The following HTR7 variants were observed in gnomAD, a reference collection of about 807,000 sequenced individuals.
The protein encoded by HTR7 is 5-HT-7.
In HTR7, 16 loss-of-function variants were observed where a neutral mutation model predicts 34.0. That is an observed-to-expected ratio of 0.47 (90% CI 0.32 to 0.71). The LOEUF is 0.71. Among genes scored for constraint, HTR7 ranks in the 30% least tolerant of loss-of-function variants. The probability of loss-of-function intolerance (pLI) is 0.04; values close to 1 mark genes in which losing one functional copy is unlikely to be tolerated. For synonymous variants in HTR7, 265 were observed against 260.2 expected (o/e 1.02, Z -0.18); for missense variants, 504 against 625.5 (o/e 0.81, Z 2.07).
At chr10:90,768,384 G>A (rs1845055346) in intron 1 of HTR7, among the ~76,000 whole-genome samples, 1 of 151,920 alleles carries the variant, frequency 6.6e-6, no homozygotes, top group African/African-American at 2.4e-5. Context: ...CACACACTTC[G>A]AAGATATATA....
intron 1 of HTR7, among the ~76,000 whole-genome samples, chr10:90,822,051 C>T (rs903546645): frequency 1.3e-5 from 2 of 152,100 alleles, no homozygotes; most frequent in African/African-American, 4.8e-5. Context: ...CAAACTAATA[C>T]ATAAAATTGG....
chr10:90,840,230 T>G (rs956244499), intron 1 of HTR7, among the ~76,000 whole-genome samples: 4 of 148,420 alleles, frequency 2.7e-5, no homozygotes, highest in Non-Finnish European at 4.5e-5. Flanking sequence ...GCCTCTCTGT[T>G]AGAGCTCACT....
chr10:90,822,131 C>G (rs1227011123), intron 1 of HTR7, among the ~76,000 whole-genome samples: 1 of 152,034 alleles, frequency 6.6e-6, no homozygotes, highest in African/African-American at 2.4e-5. Context: ...GGGTAATAGG[C>G]AGAGTTTAGA....
intron 1 of HTR7, among the ~76,000 whole-genome samples, chr10:90,782,838 T>C (rs1300548627): frequency 6.6e-6 from 1 of 152,230 alleles, no homozygotes; most frequent in African/African-American, 2.4e-5. Context: ...TTTTGTTTGT[T>C]TGCTTCTTTC....
At chr10:90,830,749 C>T (rs12764332) in intron 1 of HTR7, among the ~76,000 whole-genome samples, 31,530 of 148,408 alleles carry the variant, frequency 0.21, 4,318 homozygotes, top group African/African-American at 0.38. Flanking sequence ...GATGGCACCA[C>T]TGCACTCCAG....
intron 1 of HTR7, among the ~76,000 whole-genome samples, chr10:90,790,220 A>G (rs933833863): frequency 6.6e-6 from 1 of 152,216 alleles, no homozygotes; most frequent in African/African-American, 2.4e-5. Flanking sequence ...AATAAAAAGT[A>G]TTACCCACAC....
At chr10:90,743,944 T>C in intron 2 of HTR7, 1 of 641,186 alleles carries the variant, frequency 1.6e-6, no homozygotes, top group Non-Finnish European at 3.0e-6. Context: ...GAGGTTCTGG[T>C]TATGCTGATC....
intron 2 of HTR7, among the ~76,000 whole-genome samples, chr10:90,745,760 A>C (rs1844623264): frequency 6.6e-6 from 1 of 152,224 alleles, no homozygotes. Flanking sequence ...CCTTTTTGTA[A>C]ATAAAGTTTT....
At chr10:90,759,656 T>C (rs56260956) in intron 1 of HTR7, among the ~76,000 whole-genome samples, 78,127 of 127,796 alleles carry the variant, frequency 0.61, 25,240 homozygotes, top group African/African-American at 0.85. Context: ...AGCGAGACTC[T>C]GTCTCAAAAA....
intron 1 of HTR7, among the ~76,000 whole-genome samples, chr10:90,809,741 G>A (rs1176137439): frequency 1.3e-5 from 2 of 152,210 alleles, no homozygotes; most frequent in Non-Finnish European, 2.9e-5. Context: ...AATGCCTGCA[G>A]CCCAGGATTC....
intron 3 of HTR7, 85 bp from the exon 4 acceptor site, chr10:90,742,613 T>G: frequency 3.5e-6 from 3 of 848,742 alleles, no homozygotes; most frequent in Non-Finnish European, 5.8e-6. Context: ...GGACTTAATT[T>G]TTACAGCAGT....
rs956131055 is a variant in HTR7, at chr10:90,740,960, G to C, written c.*1522C>G. 6.6e-6 allele frequency: 1 copy of C among 152,300 alleles called. No homozygotes were observed. Among genetic ancestry groups the C allele is most frequent in the Non-Finnish European group, 1.5e-5 (1 of 67,990 alleles). The allele number at this position is 152,300 out of a possible 1,614,324, so 9.4% of individuals were successfully genotyped here. On this transcript the variant is annotated 3_prime_UTR_variant, in exon 4 of 4. Transcript: ENST00000336152. The stretch of plus-strand genomic sequence containing the variant: ...TTAAATTATGAATATAATATATACG[G>C]TCACTTCAGCAAATTTGCGGTTCAG...
chr10:90,749,384 G>C lies in HTR7; in HGVS notation c.750C>G (p.Ile250Met). ...ACATGAAAAGCATGACGGACATGGGGATATAAAATGCCACTGCGGTAGAGT... is the reference window on the plus strand; with the variant it reads ...ACATGAAAAGCATGACGGACATGGGCATATAAAATGCCACTGCGGTAGAGT... ...TIYSTAVAFY[I>M]PMSVMLFMYY... Residue 250 changes from isoleucine (I) to methionine (M), a missense_variant, in exon 2 of 4, where the codon ATC becomes ATG. By Grantham distance (10) the Ile-to-Met change is conservative. Transcript: ENST00000336152. The surrounding 1 kb of genome is among the most constrained non-coding windows in gnomAD (Gnocchi z 4.2). The C allele has an allele frequency of 6.2e-7, 1 of 1,614,172 alleles. No homozygotes were observed. Among genetic ancestry groups the C allele is most frequent in the South Asian group, 1.1e-5 (1 of 91,082 alleles).
chr10:90,801,153 G>A (rs761279389), intron 1 of HTR7, among the ~76,000 whole-genome samples: 20 of 152,198 alleles, frequency 1.3e-4, no homozygotes, highest in Non-Finnish European at 2.2e-4. Flanking sequence ...AGTCTTCAGC[G>A]TGGGCCCCAT....
chr10:90,828,090 TA>T (rs35674749), intron 1 of HTR7, among the ~76,000 whole-genome samples: 32,411 of 152,008 alleles, frequency 0.21, 4,452 homozygotes, highest in African/African-American at 0.38. Flanking sequence ...ACACGGAAAT[TA>T]AATAATACAC....
intron 1 of HTR7, among the ~76,000 whole-genome samples, chr10:90,767,826 T>C (rs1008432792): frequency 2.0e-5 from 3 of 152,124 alleles, no homozygotes; most frequent in African/African-American, 4.8e-5. Context: ...AGACTTCTTA[T>C]GTATCAGCTG....
At chr10:90,838,648 A>T (rs1846285084) in intron 1 of HTR7, among the ~76,000 whole-genome samples, 1 of 152,186 alleles carries the variant, frequency 6.6e-6, no homozygotes, top group African/African-American at 2.4e-5. Flanking sequence ...AATTTGCAAC[A>T]CTTCTCTAAT....
At chr10:90,839,341 T>C (rs1387481656) in intron 1 of HTR7, among the ~76,000 whole-genome samples, 1 of 152,160 alleles carries the variant, frequency 6.6e-6, no homozygotes, top group East Asian at 1.9e-4. Context: ...CTGGACCAGA[T>C]TGATTATGGA....
chr10:90,808,587 G>A (rs12778269), intron 1 of HTR7, among the ~76,000 whole-genome samples: 41,590 of 151,038 alleles, frequency 0.28, 6,173 homozygotes, highest in African/African-American at 0.4. Flanking sequence ...TCCATGCCCC[G>A]ACCTTGTATC....
Sources: gnomAD v4.1 joint callset for allele counts (sites outside exome capture counted in the v4.1 genomes callset) on GRCh38, gnomAD v4.1.1 for gene constraint, Gnocchi (gnomAD v3.1) non-coding constraint, MANE v1.5 for transcripts, NCBI Gene and HGNC (gene_info 2026-07-23, HGNC 2026-07-21) for gene names.